MAP3K15: variants seen among roughly 807,000 people sequenced by gnomAD.
The protein encoded by MAP3K15 is mitogen-activated protein kinase kinase kinase 15.
In MAP3K15, 124 loss-of-function variants were observed where a neutral mutation model predicts 99.5. That is an observed-to-expected ratio of 1.25 (90% CI 1.08 to 1.45). MAP3K15 has a LOEUF of 1.45. MAP3K15 is among the 40% of genes most tolerant of loss of function. The pLI is 0.00. For missense variants in MAP3K15, 1,242 were observed against 1,079.7 expected (o/e 1.15, Z -2.11); for synonymous variants, 494 against 439.6 (o/e 1.12, Z -1.55).
intron 18 of MAP3K15, among the ~76,000 whole-genome samples, chrX:19,383,075 A>G (rs918294260): frequency 4.5e-5 from 5 of 111,129 alleles, no homozygotes; most frequent in Non-Finnish European, 9.4e-5. Context: ...CCGTACTTCC[A>G]GAACCAGCCT....
intron 12 of MAP3K15, among the ~76,000 whole-genome samples, chrX:19,409,421 C>T (rs1437334743): frequency 1.8e-5 from 2 of 111,277 alleles, no homozygotes; most frequent in East Asian, 5.6e-4. Context: ...TTGGGTAAGG[C>T]CACACAGCTC....
chrX:19,429,480 G>A (rs1243701571), intron 7 of MAP3K15, among the ~76,000 whole-genome samples: 2 of 110,415 alleles, frequency 1.8e-5, no homozygotes, highest in African/African-American at 6.6e-5. Context: ...AGACCTAGGA[G>A]GGTAGAGAAT....
At chrX:19,456,319 T>G (rs970629996) in intron 6 of MAP3K15, among the ~76,000 whole-genome samples, 2 of 111,660 alleles carry the variant, frequency 1.8e-5, no homozygotes, top group African/African-American at 6.5e-5. Context: ...AACAAACCAC[T>G]AATACACACA....
In MAP3K15 at chrX:19,482,267, C is replaced by A. The variant is rs761093479; in HGVS notation, c.525+4215G>T. 3 of 109,196 alleles carry A rather than the reference C, an allele frequency of 2.7e-5. No homozygotes were observed. The Admixed American group carries it at 2.9e-4, about 11-fold the overall frequency. The allele number at this position is 109,196 out of a possible 1,213,427, so 9.0% of individuals were successfully genotyped here. A position where few individuals can be genotyped will look rare whatever the true frequency, so the allele number is the denominator to read the frequency against. On this transcript the variant is annotated intron_variant, in intron 3 of 28. Coordinates refer to ENST00000338883, the MANE Select transcript of MAP3K15 (RefSeq NM_001001671.4). ...ATCCAAGAGGAAAAAAAAAATGTGC[C>A]CACACAAAGATTTGCACTCGAATAT...
intron 4 of MAP3K15, among the ~76,000 whole-genome samples, chrX:19,462,186 C>T (rs1033661755): frequency 3.6e-5 from 4 of 111,891 alleles, no homozygotes; most frequent in African/African-American, 1.3e-4. Context: ...TCAATAATTA[C>T]AAAACAATGC....
intron 7 of MAP3K15, among the ~76,000 whole-genome samples, chrX:19,428,962 C>T (rs2063856391): frequency 9.1e-6 from 1 of 109,312 alleles, no homozygotes; most frequent in South Asian, 3.9e-4. Flanking sequence ...GAGTGAGACT[C>T]AGTCTCAAAA....
intron 6 of MAP3K15, among the ~76,000 whole-genome samples, chrX:19,436,875 G>A (rs893027563): frequency 9.0e-6 from 1 of 111,253 alleles, no homozygotes; most frequent in African/African-American, 3.3e-5. Context: ...ACAGCGTTTA[G>A]CCATGATGAC....
chrX:19,510,493 C>T (rs1314636201), intron 1 of MAP3K15, among the ~76,000 whole-genome samples: 1 of 112,156 alleles, frequency 8.9e-6, no homozygotes, highest in Non-Finnish European at 1.9e-5. Context: ...AAATTCAACA[C>T]CGCTTCATGC....
At chrX:19,501,006 G>C (rs1287764846) in intron 1 of MAP3K15, among the ~76,000 whole-genome samples, 3 of 111,945 alleles carry the variant, frequency 2.7e-5, no homozygotes, top group Non-Finnish European at 5.6e-5. Context: ...ACTAACGTGA[G>C]GAAAGTTCCA....
chrX:19,373,200 C>T lies in MAP3K15; in HGVS notation c.2933+336G>A, dbSNP rs182827575. On this transcript the variant is annotated intron_variant, in intron 21 of 28. Coordinates refer to ENST00000338883, the MANE Select transcript of MAP3K15 (RefSeq NM_001001671.4). The stretch of plus-strand genomic sequence containing the variant: ...GGAGGGGCCAGGAGGAGGAGGGGGC[C>T]GGAAGATGCAGGGACAGAGGGGGCA... 8.4e-3 allele frequency: 1,494 copies of T among 178,323 alleles called. 40 individuals are homozygous for T. The highest frequency in any genetic ancestry group is 0.06 in the African/African-American group (1,348 of 22,458). 14.7% of individuals were successfully genotyped at this position (178,323 alleles called of 1,213,427 possible). A position where few individuals can be genotyped will look rare whatever the true frequency, so the allele number is the denominator to read the frequency against.
intron 3 of MAP3K15, among the ~76,000 whole-genome samples, chrX:19,484,593 TG>T (rs2064310854): frequency 8.9e-6 from 1 of 111,763 alleles, no homozygotes; most frequent in East Asian, 2.8e-4. Flanking sequence ...GTAGTGGAAT[TG>T]TAACAGCGTG....
At chrX:19,417,320 C>T (rs1458846382) in intron 9 of MAP3K15, among the ~76,000 whole-genome samples, 2 of 112,217 alleles carry the variant, frequency 1.8e-5, no homozygotes, top group Non-Finnish European at 3.8e-5. Context: ...ACAGACGGCA[C>T]CTGGAAAATC....
chrX:19,417,521 G>A (rs929221312), intron 9 of MAP3K15, among the ~76,000 whole-genome samples: 29 of 111,904 alleles, frequency 2.6e-4, no homozygotes, highest in Non-Finnish European at 5.1e-4. Flanking sequence ...GCCGAGGCTT[G>A]AGTAGGTAAA....
intron 6 of MAP3K15, among the ~76,000 whole-genome samples, chrX:19,436,739 G>C (rs1239842942): frequency 2.7e-5 from 3 of 111,570 alleles, no homozygotes; most frequent in African/African-American, 9.8e-5. Flanking sequence ...ATGGTGTGAT[G>C]CATTCTCAGC....
At chrX:19,494,903 C>A (rs2064390666) in intron 1 of MAP3K15, among the ~76,000 whole-genome samples, 1 of 89,378 alleles carries the variant, frequency 1.1e-5, no homozygotes, top group Non-Finnish European at 2.3e-5. Context: ...CCCAGATATA[C>A]TGGACAGAAG....
rs1569241407 is a variant in MAP3K15, at chrX:19,488,901, C to T, written c.428G>A (p.Arg143Gln). 3 of 1,198,830 alleles carry T rather than the reference C, an allele frequency of 2.5e-6. No homozygotes were observed. Among genetic ancestry groups the T allele is most frequent in the Non-Finnish European group, 2.2e-6 (2 of 894,146 alleles). Residue 143 changes from arginine to glutamine, a missense_variant, in exon 2 of 29, where the codon CGA becomes CAA. By Grantham distance (43) the Arg-to-Gln change is conservative. Coordinates refer to ENST00000338883, the MANE Select transcript of MAP3K15 (RefSeq NM_001001671.4). The part of the protein sequence containing the change: ...QPSLFYHLGV[R>Q]ESFDMANNVI... ...ATTATTGGCCATGTCAAAGCTTTCTCGGACTCCAAGATGGTAGAAGAGGGA... is the reference window on the plus strand; with the variant it reads ...ATTATTGGCCATGTCAAAGCTTTCTTGGACTCCAAGATGGTAGAAGAGGGA...
At chrX:19,371,618 G>C in intron 22 of MAP3K15, 88 bp from the exon 23 acceptor site, 1 of 891,389 alleles carries the variant, frequency 1.1e-6, no homozygotes, top group Non-Finnish European at 1.6e-6. Flanking sequence ...TGGTCCATTT[G>C]CTAAGAAACT....
At chrX:19,430,444 G>A (rs1361579671) in intron 7 of MAP3K15, among the ~76,000 whole-genome samples, 1 of 111,970 alleles carries the variant, frequency 8.9e-6, no homozygotes, top group Non-Finnish European at 1.9e-5. Flanking sequence ...CCCAGGTGAA[G>A]CCAGCAGAAG....
At position 19,395,148 on chromosome X, in the gene MAP3K15, G is replaced by T. The variant is rs745656941; in HGVS notation, c.2127C>A (p.Ile709=). ...ALHKYLKHRN[I]VQYLGSVSEN... is the part of the protein sequence containing the mutation. ...CTGAAACAGAGCCCAGGTACTGAAC[G>T]ATATTGCGGTGCTTAAGGTACTTGT... Residue 709 remains isoleucine (I), a synonymous_variant, in exon 16 of 29, where the codon ATC becomes ATA. Transcript: ENST00000338883. 2 of 1,206,039 alleles carry T rather than the reference G, an allele frequency of 1.7e-6. No homozygotes were observed. Among genetic ancestry groups the T allele is most frequent in the Non-Finnish European group, 1.1e-6 (1 of 893,050 alleles).
Sources: allele counts gnomAD v4.1 joint callset (sites outside exome capture counted in the v4.1 genomes callset), GRCh38; gene constraint gnomAD v4.1.1; transcripts MANE v1.5; gene names NCBI Gene and HGNC (gene_info 2026-07-23, HGNC 2026-07-21).